The following STRN4 variants were observed in gnomAD, a reference collection of about 807,000 sequenced individuals.
The protein encoded by STRN4 is striatin-4.
Under a neutral mutation model 77.9 loss-of-function variants are expected in STRN4, and 27 were observed. The ratio of observed to expected loss-of-function variants is 0.35; its 90% CI spans 0.26 to 0.48. STRN4 has a LOEUF of 0.48. Ranked by LOEUF, STRN4 falls within the 20% of genes least tolerant of loss-of-function variation. The probability of loss-of-function intolerance (pLI) is 0.99; values close to 1 mark genes in which losing one functional copy is unlikely to be tolerated. For missense variants in STRN4, 798 were observed against 1,049.7 expected (o/e 0.76, Z 3.31); for synonymous variants, 466 against 443.1 (o/e 1.05, Z -0.65).
Position 46,738,377 on chromosome 19 carries a change from CA to C in STRN4, c.387-141del, listed in dbSNP as rs1006443379. Reference sequence around the variant, plus strand: ...TACTACTGAGGCTGAAGCATCCCCCCACACCCCTGGCCTGGTGGAAGAAACC... The same window carrying C: ...TACTACTGAGGCTGAAGCATCCCCCCCACCCCTGGCCTGGTGGAAGAAACC... On this transcript the variant is annotated intron_variant, in intron 2 of 17. Coordinates refer to ENST00000263280, the MANE Select transcript of STRN4 (RefSeq NM_013403.3). The surrounding 1 kb of genome is among the most constrained non-coding windows in gnomAD (Gnocchi z 4.5). The C allele has an allele frequency of 2.1e-4, 174 of 844,978 alleles. No individual in the cohort carries two copies. The highest frequency in any genetic ancestry group is 3.0e-4 in the Non-Finnish European group (154 of 517,404). The allele number at this position is 844,978 out of a possible 1,614,324, so 52.3% of individuals were successfully genotyped here. A position where few individuals can be genotyped will look rare whatever the true frequency, so the allele number is the denominator to read the frequency against.
intron 1 of STRN4, 108 bp downstream of exon 1, chr19:46,746,041 C>CCG: frequency 7.6e-6 from 9 of 1,184,186 alleles, no homozygotes; most frequent in Non-Finnish European, 9.7e-6. Flanking sequence ...GCCCCCCCGC[C>CCG]GGCCGTCCCG....
In STRN4 at chr19:46,738,853, C is replaced by T. The variant is rs921959276; in HGVS notation, c.318G>A (p.Gly106=). 4.3e-6 allele frequency: 7 copies of T among 1,614,126 alleles called. No homozygotes were observed. Among genetic ancestry groups the T allele is most frequent in the Non-Finnish European group, 5.1e-6 (6 of 1,180,030 alleles). ...QVAFLQGERK[G]QENLKTDLVR... ...CCAGGTCCGTCTTTAGATTCTCCTG[C>T]CCTTTCCTCTCTCCCTGAAGGAAGG... The change falls in exon 2 of 18, where the codon GGG becomes GGA. Residue 106 remains glycine, a synonymous_variant. Coordinates refer to ENST00000263280, the MANE Select transcript of STRN4 (RefSeq NM_013403.3). The surrounding 1 kb of genome is among the most constrained non-coding windows in gnomAD (Gnocchi z 4.5).
At chr19:46,726,558 G>A (rs1000342533) in intron 9 of STRN4, among the ~76,000 whole-genome samples, 8 of 152,062 alleles carry the variant, frequency 5.3e-5, no homozygotes, top group Admixed American at 1.3e-4. Flanking sequence ...TGAGGGCATG[G>A]AGACCAGACA....
intron 16 of STRN4, chr19:46,721,560 C>A: frequency 5.0e-6 from 1 of 201,460 alleles, no homozygotes; most frequent in Non-Finnish European, 1.0e-5. Context: ...TCCACCCACC[C>A]ACGTCACACT....
intron 7 of STRN4, 199 bp downstream of exon 7, chr19:46,728,418 CA>C (rs1299109089): frequency 8.3e-6 from 6 of 722,230 alleles, no homozygotes; most frequent in African/African-American, 7.1e-5. Context: ...CCTGCGTCTC[CA>C]TGGGGATTTT....
At chr19:46,735,068 G>A (rs1343230715) in intron 4 of STRN4, among the ~76,000 whole-genome samples, 1 of 152,156 alleles carries the variant, frequency 6.6e-6, no homozygotes, top group East Asian at 1.9e-4. Flanking sequence ...CAGTTTGGGA[G>A]GCCAAGGCAG....
chr19:46,727,886 C>A lies in STRN4; in HGVS notation c.1153+8G>T. ...CAGGACTGGGACCAGGTGGGGGGTG[C>A]CTCTTACCTTCATGTGGCCGGGGCT... On this transcript the variant is annotated splice_region_variant and intron_variant, in intron 8 of 17. Transcript: ENST00000263280. The A allele has an allele frequency of 6.3e-7, 1 of 1,591,728 alleles. No homozygotes were observed. The highest frequency in any genetic ancestry group is 1.3e-5 in the African/African-American group (1 of 74,818).
At chr19:46,725,926 A>C (rs2054102094) in intron 9 of STRN4, 1 of 466,048 alleles carries the variant, frequency 2.1e-6, no homozygotes, top group Admixed American at 3.6e-5. Context: ...AATGGGGGAC[A>C]CAACTGGACC....
rs774276075 is a variant in STRN4 at position 46,724,915 on chromosome 19, C to A, written c.1486G>T (p.Ala496Ser). The change falls in exon 12 of 18, where the codon GCT (alanine) becomes TCT (serine). Residue 496 changes from alanine (A) to serine (S), a missense_variant. Coordinates refer to ENST00000263280, the MANE Select transcript of STRN4 (RefSeq NM_013403.3). ...AFRAHRGPVL[A>S]VAMGSNSEYC... ...TCACTGTTGCTGCCCATAGCCACAG[C>A]CAACACTGGGCCCCTGGAAGGGACA... The A allele has an allele frequency of 6.2e-7, 1 of 1,614,024 alleles. No individual in the cohort carries two copies. Among genetic ancestry groups the A allele is most frequent in the Admixed American group, 1.7e-5 (1 of 60,034 alleles).
At chr19:46,720,515 A>G (rs1021130883) in intron 17 of STRN4, 21 bp downstream of exon 17, 2 of 1,413,024 alleles carry the variant, frequency 1.4e-6, no homozygotes, top group Non-Finnish European at 1.9e-6. Flanking sequence ...GAGACTCAGA[A>G]TGCGGGGTTT....
intron 5 of STRN4, chr19:46,732,697 T>G (rs1414462481): frequency 3.6e-6 from 1 of 279,512 alleles, no homozygotes; most frequent in African/African-American, 2.2e-5. Context: ...CAGAGATTCC[T>G]GAGGGTGGCG....
intron 1 of STRN4, among the ~76,000 whole-genome samples, chr19:46,744,239 T>C (rs1181210371): frequency 6.6e-6 from 1 of 152,164 alleles, no homozygotes; most frequent in Admixed American, 6.6e-5. Context: ...ATGAGATGTA[T>C]GCTGGGAAAG....
chr19:46,739,219 T>C, intron 1 of STRN4: 1 of 364,434 alleles, frequency 2.7e-6, no homozygotes, highest in Non-Finnish European at 5.3e-6. Flanking sequence ...GAGAGGAGGG[T>C]GGGCATTCAC....
chr19:46,724,278 CAGAGAA>C (rs1211658699), intron 12 of STRN4, among the ~76,000 whole-genome samples: 1 of 109,364 alleles, frequency 9.1e-6, no homozygotes, highest in Non-Finnish European at 1.8e-5. Flanking sequence ...AAAAAAAAGG[CAGAGAA>C]CAGGGGGACA....
chr19:46,722,435 G>A, intron 14 of STRN4, 95 bp from the exon 15 acceptor site: 1 of 1,285,258 alleles, frequency 7.8e-7, no homozygotes, highest in Non-Finnish European at 1.1e-6. Context: ...CCCTACACCA[G>A]CCTCTGCCTG....
At chr19:46,739,957 G>A (rs1172645025) in intron 1 of STRN4, among the ~76,000 whole-genome samples, 1 of 152,172 alleles carries the variant, frequency 6.6e-6, no homozygotes, top group Non-Finnish European at 1.5e-5. Context: ...CCTTACGGGA[G>A]GTAGGATCCC....
In STRN4 at chr19:46,746,416, T is replaced by C. The variant is rs2054621664; in HGVS notation, c.15A>G (p.Arg5=). The C allele has an allele frequency of 2.9e-6, 3 of 1,035,740 alleles. No individual in the cohort carries two copies. Among genetic ancestry groups the C allele is most frequent in the South Asian group, 4.5e-5 (1 of 22,380 alleles). The allele number at this position is 1,035,740 out of a possible 1,614,324, so 64.2% of individuals were successfully genotyped here. The change falls in exon 1 of 18, where the codon CGA becomes CGG. Residue 5 remains arginine, a synonymous_variant. Coordinates refer to ENST00000263280, the MANE Select transcript of STRN4 (RefSeq NM_013403.3). ...CGGCGGCGGCGACCGCGGCGGCCGC[T>C]CGCTCCTCCATCATGGAGGCCCCGG... MMEE[R]AAAAVAAAAS...
At position 46,723,313 on chromosome 19, in the gene STRN4, T is replaced by A. The variant is rs1184825996; in HGVS notation, c.1595-29A>T. On this transcript the variant is annotated intron_variant, in intron 12 of 17. Coordinates refer to ENST00000263280, the MANE Select transcript of STRN4 (RefSeq NM_013403.3). This position sits in a 1 kb window ranked among gnomAD's most constrained non-coding sequence, Gnocchi z 5.5. Reference sequence around the variant, plus strand: ...CACCCACCGCAGGGAGGAAATGGGCTGTGTCAGGGCTGCCAGCTCCTCCCT... The same window carrying A: ...CACCCACCGCAGGGAGGAAATGGGCAGTGTCAGGGCTGCCAGCTCCTCCCT... The A allele has an allele frequency of 3.3e-6, 5 of 1,521,308 alleles. No homozygotes were observed. Among genetic ancestry groups the A allele is most frequent in the Non-Finnish European group, 4.4e-6 (5 of 1,134,512 alleles). The allele number at this position is 1,521,308 out of a possible 1,614,324, so 94.2% of individuals were successfully genotyped here.
In STRN4 at chr19:46,738,043, C is replaced by A. The variant is rs965261762; in HGVS notation, c.460+121G>T. 2.9e-6 allele frequency: 3 copies of A among 1,029,130 alleles called. No homozygotes were observed. Among genetic ancestry groups the A allele is most frequent in the East Asian group, 4.8e-5 (2 of 41,394 alleles). 63.7% of individuals were successfully genotyped at this position (1,029,130 alleles called of 1,614,324 possible). Reference sequence around the variant, plus strand: ...GTGAGATTCCGCCCCTCCCCAGCCCCGGGGCCGATTCTGCCTTCTAAGGAG... The same window carrying A: ...GTGAGATTCCGCCCCTCCCCAGCCCAGGGGCCGATTCTGCCTTCTAAGGAG... On this transcript the variant is annotated intron_variant, in intron 3 of 17. Transcript: ENST00000263280. This position sits in a 1 kb window ranked among gnomAD's most constrained non-coding sequence, Gnocchi z 4.5.
Sources: allele counts gnomAD v4.1 joint callset (sites outside exome capture counted in the v4.1 genomes callset), GRCh38; gene constraint gnomAD v4.1.1; non-coding constraint Gnocchi (gnomAD v3.1); transcripts MANE v1.5; gene names NCBI Gene and HGNC (gene_info 2026-07-23, HGNC 2026-07-21).